The following HHAT variants were observed in gnomAD, a reference collection of about 807,000 sequenced individuals.
HHAT encodes the protein hedgehog acyltransferase, also known as protein-cysteine N-palmitoyltransferase HHAT.
In HHAT, 47 loss-of-function variants were observed where a neutral mutation model predicts 70.8. That is an observed-to-expected ratio of 0.66 (90% confidence interval 0.53 to 0.85). The LOEUF is 0.85. HHAT is among the 40% of genes least tolerant of loss of function. HHAT has a pLI of 0.00. For synonymous variants in HHAT, 228 were observed against 247.6 expected (o/e 0.92, Z 0.74); for missense variants, 609 against 604.8 (o/e 1.01, Z -0.07).
intron 9 of HHAT, among the ~76,000 whole-genome samples, chr1:210,576,785 A>C (rs944466472): frequency 2.0e-5 from 3 of 152,196 alleles, no homozygotes; most frequent in African/African-American, 7.2e-5. Context: ...GCAGTGTTAA[A>C]ATCTCCAAAG....
At chr1:210,594,965 C>CT (rs111241822) in intron 10 of HHAT, among the ~76,000 whole-genome samples, 144,688 of 150,776 alleles carry the variant, frequency 0.96, 69,658 homozygotes, top group East Asian at 1. Flanking sequence ...TTTTCAGATT[C>CT]TTTTTTTTAA....
At chr1:210,328,018 T>A (rs2084688475), upstream of HHAT, among the ~76,000 whole-genome samples, 1 of 152,104 alleles carries the variant, frequency 6.6e-6, no homozygotes, top group South Asian at 2.1e-4. Flanking sequence ...ATTAAAATAA[T>A]CCTCTCGACC....
At chr1:210,335,911 G>A (rs1290378524) in intron 1 of HHAT, among the ~76,000 whole-genome samples, 1 of 115,884 alleles carries the variant, frequency 8.6e-6, no homozygotes, top group Non-Finnish European at 1.7e-5. Flanking sequence ...TGATAAGAAT[G>A]AACAAATTAT....
At chr1:210,459,834 C>G (rs1325344917) in intron 7 of HHAT, among the ~76,000 whole-genome samples, 1 of 152,224 alleles carries the variant, frequency 6.6e-6, no homozygotes, top group Non-Finnish European at 1.5e-5. Context: ...CAATGATTGC[C>G]TCTGTCTCCC....
At chr1:210,670,645 AG>A (rs1405131329) in intron 11 of HHAT, among the ~76,000 whole-genome samples, 12 of 152,216 alleles carry the variant, frequency 7.9e-5, no homozygotes, top group African/African-American at 2.9e-4. Context: ...CTTACTCCTG[AG>A]GTTAGGAAAG....
chr1:210,354,600 G>C (rs1019901735), intron 2 of HHAT, among the ~76,000 whole-genome samples: 12 of 152,072 alleles, frequency 7.9e-5, no homozygotes, highest in Admixed American at 5.2e-4. Flanking sequence ...GGACTCAAGC[G>C]ATCTTCCTGC....
intron 11 of HHAT, among the ~76,000 whole-genome samples, chr1:210,658,497 A>G (rs1464619518): frequency 6.6e-6 from 1 of 152,176 alleles, no homozygotes; most frequent in East Asian, 1.9e-4. Flanking sequence ...AAAAAACAAA[A>G]TCTGAGTTCA....
intron 11 of HHAT, among the ~76,000 whole-genome samples, chr1:210,635,930 G>A (rs963549395): frequency 6.6e-6 from 1 of 151,974 alleles, no homozygotes; most frequent in Non-Finnish European, 1.5e-5. Flanking sequence ...CTGGAAGGGG[G>A]GTGCCTTTTA....
chr1:210,512,969 A>AG (rs2094985770), intron 8 of HHAT, among the ~76,000 whole-genome samples, 184 bp from the exon 9 acceptor site: 1 of 152,214 alleles, frequency 6.6e-6, no homozygotes, highest in Admixed American at 6.5e-5. Flanking sequence ...GTGGGGCCTG[A>AG]GAAGCTGCGA....
intron 11 of HHAT, among the ~76,000 whole-genome samples, chr1:210,645,839 G>A (rs1028120350): frequency 2.0e-5 from 3 of 152,114 alleles, no homozygotes; most frequent in Non-Finnish European, 4.4e-5. Flanking sequence ...TTCATGCACT[G>A]GAAACCCCTT....
At chr1:210,438,138 C>A (rs1208936814) in intron 7 of HHAT, among the ~76,000 whole-genome samples, 2 of 151,402 alleles carry the variant, frequency 1.3e-5, no homozygotes, top group African/African-American at 4.9e-5. Context: ...GTTCTCTTTT[C>A]CTGCAACTTA....
chr1:210,600,868 T>C (rs1433798122), intron 10 of HHAT, among the ~76,000 whole-genome samples: 4 of 152,084 alleles, frequency 2.6e-5, no homozygotes, highest in South Asian at 2.1e-4. Flanking sequence ...CTCAAATAGT[T>C]CACCTACTCC....
intron 9 of HHAT, among the ~76,000 whole-genome samples, chr1:210,549,018 T>C (rs2095506621): frequency 6.6e-6 from 1 of 152,220 alleles, no homozygotes; most frequent in Non-Finnish European, 1.5e-5. Flanking sequence ...AGAACATGGA[T>C]TCTGGAGCCT....
chr1:210,596,869 A>G (rs1370685588), intron 10 of HHAT, among the ~76,000 whole-genome samples: 1 of 152,074 alleles, frequency 6.6e-6, no homozygotes, highest in African/African-American at 2.4e-5. Context: ...GATGGTTGTC[A>G]TGCTTGTGGA....
intron 7 of HHAT, among the ~76,000 whole-genome samples, chr1:210,452,755 C>T (rs558663171): frequency 6.6e-6 from 1 of 152,002 alleles, no homozygotes; most frequent in Non-Finnish European, 1.5e-5. Context: ...AATGGTGCTT[C>T]TCTATGGTAA....
intron 4 of HHAT, among the ~76,000 whole-genome samples, chr1:210,392,600 C>A (rs777368663): frequency 6.6e-6 from 1 of 152,084 alleles, no homozygotes; most frequent in Non-Finnish European, 1.5e-5. Context: ...TAGTACTAAT[C>A]TTCTACAAAT....
intron 10 of HHAT, among the ~76,000 whole-genome samples, chr1:210,601,970 A>AGTGT (rs10646355): frequency 0.52 from 76,720 of 148,876 alleles, 20,403 homozygotes; most frequent in South Asian, 0.64. Flanking sequence ...TGTGTGTGAG[A>AGTGT]GTGTGTGTGT....
At chr1:210,411,880 A>G (rs2092570009) in intron 6 of HHAT, among the ~76,000 whole-genome samples, 3 of 152,202 alleles carry the variant, frequency 2.0e-5, no homozygotes, top group Admixed American at 2.0e-4. Context: ...TAGCCTCTAC[A>G]GACTAATGGA....
intron 8 of HHAT, among the ~76,000 whole-genome samples, chr1:210,473,012 A>C (rs6540597): frequency 6.6e-6 from 1 of 152,190 alleles, no homozygotes; most frequent in African/African-American, 2.4e-5. Flanking sequence ...TGGCAAATAT[A>C]TCCTCTTCAG....
Sources: gnomAD v4.1 joint callset for allele counts (sites outside exome capture counted in the v4.1 genomes callset) on GRCh38, gnomAD v4.1.1 for gene constraint, MANE v1.5 for transcripts, NCBI Gene and HGNC (gene_info 2026-07-23, HGNC 2026-07-21) for gene names.